SLC4A4: variants seen among roughly 807,000 people sequenced by gnomAD.
SLC4A4 encodes electrogenic sodium bicarbonate cotransporter 1.
Under a neutral mutation model 111.5 loss-of-function variants are expected in SLC4A4, and 27 were observed. The observed-to-expected ratio is 0.24, with a 90% CI of 0.18 to 0.33. The LOEUF (loss-of-function observed/expected upper bound fraction) is 0.33. SLC4A4 is among the 10% of genes least tolerant of loss of function. The pLI is 1.00. For missense variants in SLC4A4, 909 were observed against 1,315.5 expected (o/e 0.69, Z 4.78); for synonymous variants, 443 against 463.4 (o/e 0.96, Z 0.57).
At chr4:71,090,110 C>T (rs765403246) in intron 1 of SLC4A4, among the ~76,000 whole-genome samples, 4 of 152,074 alleles carry the variant, frequency 2.6e-5, no homozygotes, top group Non-Finnish European at 5.9e-5. Context: ...CGCCACTCCC[C>T]CAGCCTCGCT....
intron 2 of SLC4A4, among the ~76,000 whole-genome samples, chr4:71,139,634 T>C (rs975267097): frequency 2.0e-5 from 3 of 152,226 alleles, no homozygotes; most frequent in African/African-American, 7.2e-5. Flanking sequence ...GGCATTTTCT[T>C]CCAGATTCGT....
intron 16 of SLC4A4, among the ~76,000 whole-genome samples, chr4:71,511,865 C>G (rs1731953823): frequency 6.6e-6 from 1 of 152,132 alleles, no homozygotes; most frequent in Non-Finnish European, 1.5e-5. Context: ...ATAACATGCA[C>G]TATATGTCTT....
intron 13 of SLC4A4, among the ~76,000 whole-genome samples, chr4:71,472,358 C>T (rs1727957439): frequency 6.6e-6 from 1 of 151,884 alleles, no homozygotes; most frequent in East Asian, 1.9e-4. Context: ...TTATTGAACA[C>T]ATTCTAGGTA....
chr4:71,271,496 G>A (rs2579323), intron 3 of SLC4A4, among the ~76,000 whole-genome samples: 14,396 of 152,162 alleles, frequency 0.095, 1,446 homozygotes, highest in African/African-American at 0.25. Flanking sequence ...AACCAAACCA[G>A]GGAGAACACA....
At chr4:71,270,697 C>T (rs1035573062) in intron 3 of SLC4A4, among the ~76,000 whole-genome samples, 1 of 152,132 alleles carries the variant, frequency 6.6e-6, no homozygotes, top group Non-Finnish European at 1.5e-5. Flanking sequence ...TTTGGATGTA[C>T]CAGTTATGTG....
At chr4:71,554,121 G>A (rs1578176772) in intron 20 of SLC4A4, among the ~76,000 whole-genome samples, 1 of 151,842 alleles carries the variant, frequency 6.6e-6, no homozygotes, top group Admixed American at 6.6e-5. Context: ...GCAATCACAA[G>A]GAGAGGCTGA....
intron 6 of SLC4A4, among the ~76,000 whole-genome samples, chr4:71,382,698 G>A (rs374227548): frequency 3.0e-4 from 45 of 152,308 alleles, no homozygotes; most frequent in African/African-American, 1.0e-3. Flanking sequence ...AAACTGCTTG[G>A]ATGAGAAGTT....
intron 2 of SLC4A4, among the ~76,000 whole-genome samples, chr4:71,147,239 C>T (rs537342677): frequency 1.3e-5 from 2 of 151,552 alleles, no homozygotes; most frequent in Non-Finnish European, 2.9e-5. Flanking sequence ...AACAAGAAGC[C>T]CTCCCCTTTC....
chr4:71,523,605 C>T (rs1733153784), intron 16 of SLC4A4, among the ~76,000 whole-genome samples: 1 of 152,042 alleles, frequency 6.6e-6, no homozygotes, highest in Non-Finnish European at 1.5e-5. Flanking sequence ...CCATGGAAAC[C>T]TCTTGGTCCT....
chr4:71,298,270 T>C (rs1210978482), intron 3 of SLC4A4, among the ~76,000 whole-genome samples: 1 of 152,180 alleles, frequency 6.6e-6, no homozygotes, highest in Non-Finnish European at 1.5e-5. Flanking sequence ...TCAAAAGGTA[T>C]ATTTATATAA....
In SLC4A4 at chr4:71,314,766, G is replaced by A. The variant is rs113668750; in HGVS notation, c.254-24604G>A. On this transcript the variant is annotated intron_variant, in intron 3 of 25. Coordinates refer to ENST00000264485, the MANE Select transcript of SLC4A4 (RefSeq NM_001098484.3). Reference sequence around the variant, plus strand: ...GGAACAACACACACTGGGGCCTTTCGGGGAGTGGGGTGCAAGGGGAGGGAG... The same window carrying A: ...GGAACAACACACACTGGGGCCTTTCAGGGAGTGGGGTGCAAGGGGAGGGAG... 1.2e-4 allele frequency among the ~76,000 whole-genome samples: 19 copies of A among 152,048 alleles called. No individual in the cohort carries two copies. In the East Asian group the frequency reaches 1.7e-3, roughly 14 times the overall value.
chr4:71,474,383 G>T, intron 14 of SLC4A4, among the ~76,000 whole-genome samples: 1 of 151,854 alleles, frequency 6.6e-6, no homozygotes, highest in East Asian at 1.9e-4. Context: ...AATGTTTACC[G>T]TAAAACAAAC....
chr4:71,398,216 C>T (rs975943220), intron 7 of SLC4A4, among the ~76,000 whole-genome samples: 12 of 149,384 alleles, frequency 8.0e-5, no homozygotes, highest in Admixed American at 6.8e-5. Context: ...ACCCGAGAGG[C>T]AGAGGTTGCA....
chr4:71,366,482 T>C (rs1256367637), intron 6 of SLC4A4, among the ~76,000 whole-genome samples: 3 of 152,134 alleles, frequency 2.0e-5, no homozygotes, highest in Non-Finnish European at 2.9e-5. Flanking sequence ...AACATCTTTT[T>C]CTACAGTCTA....
intron 3 of SLC4A4, among the ~76,000 whole-genome samples, chr4:71,296,478 G>A (rs1724800981): frequency 6.6e-6 from 1 of 152,242 alleles, no homozygotes; most frequent in East Asian, 1.9e-4. Flanking sequence ...TGGAAAAATA[G>A]CAAAACTCTA....
At chr4:71,550,505 A>T (rs1735892686) in intron 20 of SLC4A4, among the ~76,000 whole-genome samples, 1 of 151,894 alleles carries the variant, frequency 6.6e-6, no homozygotes, top group South Asian at 2.1e-4. Flanking sequence ...TTCACAAAGA[A>T]AGTGGTGTCA....
At chr4:71,326,749 T>A (rs1182782553) in intron 3 of SLC4A4, among the ~76,000 whole-genome samples, 1 of 152,040 alleles carries the variant, frequency 6.6e-6, no homozygotes, top group Non-Finnish European at 1.5e-5. Flanking sequence ...ACCTGAGCTA[T>A]TGTAAAGCAT....
intron 7 of SLC4A4, among the ~76,000 whole-genome samples, chr4:71,401,298 G>C (rs1333295215): frequency 6.6e-6 from 1 of 152,166 alleles, no homozygotes; most frequent in Admixed American, 6.5e-5. Flanking sequence ...AGTAGCGGCT[G>C]CTTTATTGAA....
intron 13 of SLC4A4, among the ~76,000 whole-genome samples, chr4:71,471,408 A>G (rs1175443746): frequency 6.6e-6 from 1 of 152,104 alleles, no homozygotes; most frequent in East Asian, 1.9e-4. Flanking sequence ...CAGTAAGGAT[A>G]TCAATGAGGG....
Sources: gnomAD v4.1 joint callset for allele counts (sites outside exome capture counted in the v4.1 genomes callset) on GRCh38, gnomAD v4.1.1 for gene constraint, MANE v1.5 for transcripts, NCBI Gene and HGNC (gene_info 2026-07-23, HGNC 2026-07-21) for gene names.